Variants in ACTG2 observed in about 807,000 individuals in gnomAD.
ACTG2 encodes actin gamma 2, smooth muscle.
In ACTG2, 16 loss-of-function variants were observed where a neutral mutation model predicts 37.6. The ratio of observed to expected loss-of-function variants is 0.43; its 90% confidence interval spans 0.29 to 0.65. The LOEUF (loss-of-function observed/expected upper bound fraction) is 0.65, where lower values mean the gene tolerates loss of function less well. Among genes scored for constraint, ACTG2 ranks in the 30% least tolerant of loss-of-function variants. The probability of loss-of-function intolerance (pLI) is 0.18; values close to 1 mark genes in which losing one functional copy is unlikely to be tolerated. For synonymous variants in ACTG2, 181 were observed against 179.9 expected, an observed-to-expected ratio of 1.01 and a Z score of -0.05; for missense variants, 238 against 490.9, an observed-to-expected ratio of 0.48 and a Z score of 4.87.
At chr2:73,909,264 A>G in intron 5 of ACTG2, 125 bp downstream of exon 5, 1 of 799,472 alleles carries the variant, frequency 1.3e-6, no homozygotes, top group Non-Finnish European at 2.1e-6. Context: ...AATCTTTCTT[A>G]GGGATAATAG....
chr2:73,903,326 C>T (rs749367479), intron 3 of ACTG2: 1 of 153,362 alleles, frequency 6.5e-6, no homozygotes, highest in Non-Finnish European at 1.5e-5. Context: ...CTGTAATTCA[C>T]TTATACTTTT....
At chr2:73,901,943 T>TC (rs1679893822) in intron 2 of ACTG2, 1 of 197,060 alleles carries the variant, frequency 5.1e-6, no homozygotes, top group Non-Finnish European at 1.0e-5. Flanking sequence ...AAGAAGGATT[T>TC]CAGCAGGTGG....
chr2:73,919,685 T>A lies in ACTG2; in HGVS notation c.*110T>A, dbSNP rs1465268844. Reference sequence around the variant, plus strand: ...TGTGTGGGGCTCTTTTTTCCTGGGCTATGTCTCATACACAGTGCTAAGGAC... The same window carrying A: ...TGTGTGGGGCTCTTTTTTCCTGGGCAATGTCTCATACACAGTGCTAAGGAC... On this transcript the variant is annotated 3_prime_UTR_variant, in exon 9 of 9. Transcript: ENST00000345517. 3 of 1,264,390 alleles carry A rather than the reference T, an allele frequency of 2.4e-6. No individual in the cohort carries two copies. Among genetic ancestry groups the A allele is most frequent in the African/African-American group, 3.0e-5 (2 of 66,614 alleles). 78.3% of individuals were successfully genotyped at this position (1,264,390 alleles called of 1,614,324 possible). A position where few individuals can be genotyped will look rare whatever the true frequency, so the allele number is the denominator to read the frequency against.
chr2:73,904,316 A>G (rs1178124373), intron 3 of ACTG2, among the ~76,000 whole-genome samples: 2 of 151,820 alleles, frequency 1.3e-5, no homozygotes, highest in African/African-American at 4.8e-5. Context: ...ATAATAGACA[A>G]ACTATTTTAT....
chr2:73,916,116 G>A (rs974670701), intron 7 of ACTG2, among the ~76,000 whole-genome samples: 7 of 152,090 alleles, frequency 4.6e-5, no homozygotes, highest in East Asian at 1.9e-4. Context: ...AATACCTCGC[G>A]CCTGTAATCC....
At chr2:73,915,654 G>T (rs1680251206) in intron 7 of ACTG2, among the ~76,000 whole-genome samples, 1 of 152,192 alleles carries the variant, frequency 6.6e-6, no homozygotes, top group Non-Finnish European at 1.5e-5. Flanking sequence ...GCAGGCAATG[G>T]GTGACTGTCA....
At chr2:73,912,004 C>G (rs571652838) in intron 5 of ACTG2, among the ~76,000 whole-genome samples, 1 of 152,356 alleles carries the variant, frequency 6.6e-6, no homozygotes, top group South Asian at 2.1e-4. Context: ...TGGGCACACA[C>G]TGACAAATAA....
chr2:73,912,982 A>T (rs1558627873), intron 5 of ACTG2, among the ~76,000 whole-genome samples: 1 of 152,134 alleles, frequency 6.6e-6, no homozygotes, highest in Non-Finnish European at 1.5e-5. Context: ...AGCCTGGCCA[A>T]CATAGTGAAA....
At chr2:73,914,600 A>G in intron 6 of ACTG2, 80 bp from the exon 7 acceptor site, 2 of 918,762 alleles carry the variant, frequency 2.2e-6, no homozygotes, top group Non-Finnish European at 3.1e-6. Flanking sequence ...TGTGAGAAGG[A>G]GGTTTTCATG....
intron 3 of ACTG2, chr2:73,902,790 C>G (rs1679921125): frequency 6.5e-7 from 1 of 1,541,616 alleles, no homozygotes; most frequent in Admixed American, 2.0e-5. Flanking sequence ...CACTCACCTC[C>G]TCAGAAATCT....
At chr2:73,899,989 C>T (rs1223688555) in intron 1 of ACTG2, among the ~76,000 whole-genome samples, 7 of 152,194 alleles carry the variant, frequency 4.6e-5, no homozygotes, top group Non-Finnish European at 7.4e-5. Context: ...CTTCAGACCT[C>T]GCGTTCTCAG....
chr2:73,914,375 A>G (rs971063204), intron 6 of ACTG2, among the ~76,000 whole-genome samples: 1 of 152,090 alleles, frequency 6.6e-6, no homozygotes, highest in Admixed American at 6.6e-5. Flanking sequence ...CCTGGCCAAC[A>G]TGGTGAAATC....
intron 1 of ACTG2, among the ~76,000 whole-genome samples, chr2:73,894,551 G>A (rs1243758426): frequency 6.6e-6 from 1 of 152,118 alleles, no homozygotes; most frequent in Non-Finnish European, 1.5e-5. Context: ...TGCTCCTTAG[G>A]GACAGTGGAG....
chr2:73,906,331 G>A (rs995334730), intron 3 of ACTG2, among the ~76,000 whole-genome samples: 19 of 151,880 alleles, frequency 1.3e-4, no homozygotes, highest in African/African-American at 4.6e-4. Flanking sequence ...GGCACCCGTA[G>A]TCCCAGCTAC....
chr2:73,908,541 T>G, intron 3 of ACTG2, 132 bp from the exon 4 acceptor site: 4 of 779,432 alleles, frequency 5.1e-6, no homozygotes, highest in Middle Eastern at 3.5e-4. Context: ...TTTCCAGGGC[T>G]GACCATTCTC....
At chr2:73,903,492 C>T (rs1190935495) in intron 3 of ACTG2, among the ~76,000 whole-genome samples, 2 of 152,148 alleles carry the variant, frequency 1.3e-5, no homozygotes, top group African/African-American at 4.8e-5. Flanking sequence ...TCTTAGTTTT[C>T]CCATTTGTAA....
intron 4 of ACTG2, 119 bp downstream of exon 4, chr2:73,908,902 TG>T: frequency 8.3e-7 from 1 of 1,200,590 alleles, no homozygotes; most frequent in Non-Finnish European, 1.2e-6. Flanking sequence ...GCTATGTCTG[TG>T]GTCCATGCCA....
chr2:73,908,993 T>C, intron 4 of ACTG2, 62 bp from the exon 5 acceptor site: 1 of 1,509,680 alleles, frequency 6.6e-7, no homozygotes. Flanking sequence ...CAAACCATTC[T>C]ACAGGCCAAG....
At chr2:73,900,599 TC>T (rs1249542364) in intron 1 of ACTG2, among the ~76,000 whole-genome samples, 1 of 152,182 alleles carries the variant, frequency 6.6e-6, no homozygotes, top group African/African-American at 2.4e-5. Flanking sequence ...GAGTGCCCCT[TC>T]CTCATCAAGG....
Sources: allele counts gnomAD v4.1 joint callset (sites outside exome capture counted in the v4.1 genomes callset), GRCh38; gene constraint gnomAD v4.1.1; transcripts MANE v1.5; gene names NCBI Gene and HGNC (gene_info 2026-07-23, HGNC 2026-07-21).